Variants in ACSF2 observed in about 807,000 individuals in gnomAD.
The protein encoded by ACSF2 is medium-chain acyl-CoA ligase ACSF2, mitochondrial.
In ACSF2, 52 loss-of-function variants were observed where a neutral mutation model predicts 79.3. That is an observed-to-expected ratio of 0.66 (90% CI 0.53 to 0.83). ACSF2 has a LOEUF of 0.83. ACSF2 is among the 40% of genes least tolerant of loss of function. The pLI is 0.00. For missense variants in ACSF2, 661 were observed against 803.3 expected, an observed-to-expected ratio of 0.82 and a Z score of 2.14; for synonymous variants, 283 against 312.6, an observed-to-expected ratio of 0.91 and a Z score of 1.00.
chr17:50,445,763 T>C (rs991708618), intron 1 of ACSF2, among the ~76,000 whole-genome samples: 31 of 151,262 alleles, frequency 2.0e-4, no homozygotes, highest in African/African-American at 7.3e-4. Context: ...ATCATGCCAC[T>C]GCACTCCAGC....
At chr17:50,442,987 A>G (rs2031043366) in intron 1 of ACSF2, among the ~76,000 whole-genome samples, 1 of 150,906 alleles carries the variant, frequency 6.6e-6, no homozygotes, top group Admixed American at 6.6e-5. Context: ...TCGGCTCACT[A>G]CAACCTCCGC....
At chr17:50,448,025 A>T (rs2031411131) in intron 1 of ACSF2, among the ~76,000 whole-genome samples, 1 of 152,224 alleles carries the variant, frequency 6.6e-6, no homozygotes, top group South Asian at 2.1e-4. Context: ...TCTTGGGTTT[A>T]TATGTACAGT....
At chr17:50,454,686 CG>C (rs2031883726) in intron 1 of ACSF2, among the ~76,000 whole-genome samples, 1 of 152,168 alleles carries the variant, frequency 6.6e-6, no homozygotes, top group African/African-American at 2.4e-5. Context: ...GATCGGCTGC[CG>C]GGGAAGCTTG....
In ACSF2 at chr17:50,426,304, G is replaced by A. The variant is rs767418762; in HGVS notation, c.43G>A (p.Ala15Thr). 1 of 1,416,826 alleles carries A rather than the reference G, an allele frequency of 7.1e-7. No homozygotes were observed. The highest frequency in any genetic ancestry group is 9.3e-7 in the Non-Finnish European group (1 of 1,079,566). The allele number at this position is 1,416,826 out of a possible 1,614,324, so 87.8% of individuals were successfully genotyped here. ...GATGCTGCGCCTGGGGAGGCTGTGCGCCGGGAGCTCGGGGGTGCTGGGGGC... is the reference window on the plus strand; with the variant it reads ...GATGCTGCGCCTGGGGAGGCTGTGCACCGGGAGCTCGGGGGTGCTGGGGGC... ...VGMLRLGRLC[A>T]GSSGVLGARA... is the part of the protein sequence containing the mutation. The change falls in exon 1 of 16, where the codon GCC becomes ACC. Residue 15 changes from alanine to threonine, a missense_variant. Transcript: ENST00000300441.
At chr17:50,465,706 C>T in intron 10 of ACSF2, 1 of 1,613,274 alleles carries the variant, frequency 6.2e-7, no homozygotes, top group Non-Finnish European at 8.5e-7. Context: ...AGTGTTCTTA[C>T]CGCCGAAGGC....
intron 2 of ACSF2, 64 bp downstream of exon 2, chr17:50,460,936 C>A: frequency 1.3e-6 from 2 of 1,527,616 alleles, no homozygotes; most frequent in Non-Finnish European, 1.8e-6. Flanking sequence ...CCTAGCTGGG[C>A]AGAACCAGGA....
chr17:50,460,406 A>G, intron 1 of ACSF2: 1 of 502,650 alleles, frequency 2.0e-6, no homozygotes, highest in Non-Finnish European at 3.7e-6. Flanking sequence ...CCCAGGCTTC[A>G]CTATGGCATC....
intron 1 of ACSF2, among the ~76,000 whole-genome samples, chr17:50,434,843 A>G (rs1309176513): frequency 1.1e-4 from 17 of 152,050 alleles, no homozygotes; most frequent in Admixed American, 1.1e-3. Context: ...ATATAATTAC[A>G]TACAGTAAAC....
Position 50,426,385 on chromosome 17 carries a change from C to G in ACSF2, c.124C>G (p.Leu42Val), listed in dbSNP as rs1000378435. The G allele has an allele frequency of 7.4e-7, 1 of 1,359,374 alleles. No homozygotes were observed. The highest frequency in any genetic ancestry group is 9.5e-7 in the Non-Finnish European group (1 of 1,049,054). The allele number at this position is 1,359,374 out of a possible 1,614,324, so 84.2% of individuals were successfully genotyped here. ...QEARLQGVRF[L>V]SSREVDRMVS... ...AGCCAGGTTGCAGGGTGTCCGCTTC[C>G]TCAGGTACTGGCCCCCCGCGGGAAG... is the stretch of plus-strand genomic sequence containing the variant. Residue 42 changes from leucine to valine, a missense_variant, in exon 1 of 16, where the codon CTC becomes GTC. Leu to Val is a conservative substitution (Grantham distance 32, BLOSUM62 1). Coordinates refer to ENST00000300441, the MANE Select transcript of ACSF2 (RefSeq NM_025149.6).
At chr17:50,430,575 G>C (rs1300891792) in intron 1 of ACSF2, among the ~76,000 whole-genome samples, 1 of 152,202 alleles carries the variant, frequency 6.6e-6, no homozygotes. Flanking sequence ...TGAGGCAGGA[G>C]AATCGCTTAA....
chr17:50,447,137 C>G (rs970942082), intron 1 of ACSF2, among the ~76,000 whole-genome samples: 1 of 152,166 alleles, frequency 6.6e-6, no homozygotes, highest in Admixed American at 6.5e-5. Context: ...GCTATTATCT[C>G]TCTGTCTTCC....
chr17:50,471,241 C>G lies in ACSF2; in HGVS notation c.1323+106C>G. 1.1e-6 allele frequency: 1 copy of G among 897,402 alleles called. No individual in the cohort carries two copies. The highest frequency in any genetic ancestry group is 1.8e-6 in the Non-Finnish European group (1 of 553,766). The allele number at this position is 897,402 out of a possible 1,614,324, so 55.6% of individuals were successfully genotyped here. On this transcript the variant is annotated intron_variant, in intron 11 of 15. Transcript: ENST00000300441. The surrounding 1 kb of genome is among the most constrained non-coding windows in gnomAD (Gnocchi z 4.1). ...CAGTGAGAGAGTCAAATGGCTCACTCAGGATGCCTAGAGCCCCCCAGCAGC... is the reference window on the plus strand; with the variant it reads ...CAGTGAGAGAGTCAAATGGCTCACTGAGGATGCCTAGAGCCCCCCAGCAGC...
intron 1 of ACSF2, among the ~76,000 whole-genome samples, chr17:50,442,971 G>A (rs377529813): frequency 6.6e-6 from 1 of 150,918 alleles, no homozygotes; most frequent in South Asian, 2.1e-4. Context: ...GTGCAGTGGC[G>A]CAATCTCGGC....
At chr17:50,426,944 A>G (rs1295953189) in intron 1 of ACSF2, 1 of 1,535,756 alleles carries the variant, frequency 6.5e-7, no homozygotes, top group African/African-American at 1.4e-5. Context: ...AGAGGATTTC[A>G]GTTCCCAGTA....
At position 50,466,149 on chromosome 17, in the gene ACSF2, C is replaced by T. The variant is rs747435272; in HGVS notation, c.1215+1855C>T. Among the ~76,000 whole-genome samples, 59 of 147,732 alleles carry T rather than the reference C, an allele frequency of 4.0e-4. 1 individual carries two copies. Among genetic ancestry groups the T allele is most frequent in the African/African-American group, 1.5e-3 (58 of 39,460 alleles). ...TTGCCCAGGCTGGAGCACAGTGGCACGATCTCAGCTCACTGCAAGCTCCGC... is the reference window on the plus strand; with the variant it reads ...TTGCCCAGGCTGGAGCACAGTGGCATGATCTCAGCTCACTGCAAGCTCCGC... On this transcript the variant is annotated intron_variant, in intron 10 of 15. Coordinates refer to ENST00000300441, the MANE Select transcript of ACSF2 (RefSeq NM_025149.6).
chr17:50,466,808 C>T (rs1357437741), intron 10 of ACSF2, among the ~76,000 whole-genome samples: 1 of 152,224 alleles, frequency 6.6e-6, no homozygotes, highest in African/African-American at 2.4e-5. Context: ...TGTCTGGCCT[C>T]CCCTGCCCCA....
At chr17:50,465,163 T>TC in intron 10 of ACSF2, 1 of 1,067,850 alleles carries the variant, frequency 9.4e-7, no homozygotes. Flanking sequence ...GACCCAGTCG[T>TC]CCCCTCCTCT....
chr17:50,457,192 T>A (rs1428064195), intron 1 of ACSF2, among the ~76,000 whole-genome samples: 2 of 152,238 alleles, frequency 1.3e-5, no homozygotes, highest in Non-Finnish European at 2.9e-5. Context: ...TCTGAGCTCT[T>A]ACTCAGACCT....
chr17:50,435,442 ACT>A (rs2143513749), intron 1 of ACSF2, among the ~76,000 whole-genome samples: 1 of 149,744 alleles, frequency 6.7e-6, no homozygotes, highest in Admixed American at 6.7e-5. Flanking sequence ...GAAAGGCCTC[ACT>A]CTGTCACCCT....
Sources: allele counts gnomAD v4.1 joint callset (sites outside exome capture counted in the v4.1 genomes callset), GRCh38; gene constraint gnomAD v4.1.1; non-coding constraint Gnocchi (gnomAD v3.1); transcripts MANE v1.5; gene names NCBI Gene and HGNC (gene_info 2026-07-23, HGNC 2026-07-21).